Variants in MACF1 observed in about 807,000 individuals in gnomAD.
MACF1 encodes microtubule-actin cross-linking factor 1.
In MACF1, 193 loss-of-function variants were observed where a neutral mutation model predicts 854.8. The ratio of observed to expected loss-of-function variants is 0.23; its 90% CI spans 0.20 to 0.25. MACF1 has a LOEUF of 0.25. Among genes scored for constraint, MACF1 ranks in the 10% least tolerant of loss-of-function variants. MACF1 has a pLI of 1.00. For missense variants in MACF1, 7,722 were observed against 8,929.1 expected (o/e 0.86, Z 5.45); for synonymous variants, 3,185 against 3,226.7 (o/e 0.99, Z 0.44).
chr1:39,272,360 A>G (rs1645340390), intron 6 of MACF1, among the ~76,000 whole-genome samples: 1 of 152,206 alleles, frequency 6.6e-6, no homozygotes, highest in Non-Finnish European at 1.5e-5. Context: ...AGAGAGGGCA[A>G]CGCATACTGA....
At chr1:39,136,161 C>T (rs1643162386) in intron 2 of MACF1, among the ~76,000 whole-genome samples, 1 of 152,218 alleles carries the variant, frequency 6.6e-6, no homozygotes, top group South Asian at 2.1e-4. Context: ...CACCAGAATG[C>T]ATGCATTGGA....
intron 2 of MACF1, among the ~76,000 whole-genome samples, chr1:39,173,138 G>A (rs923682447): frequency 2.0e-5 from 3 of 152,136 alleles, no homozygotes; most frequent in East Asian, 1.9e-4. Flanking sequence ...TCAGGAGATC[G>A]AGAGCATCCT....
At chr1:39,216,922 AATG>A (rs1644583761) in intron 1 of MACF1, among the ~76,000 whole-genome samples, 1 of 152,092 alleles carries the variant, frequency 6.6e-6, no homozygotes, top group Admixed American at 6.6e-5. Flanking sequence ...TAGCTAAGAA[AATG>A]GGCTTGGCAT....
At chr1:39,237,914 T>TA (rs1192103222) in intron 2 of MACF1, among the ~76,000 whole-genome samples, 1 of 152,124 alleles carries the variant, frequency 6.6e-6, no homozygotes, top group Non-Finnish European at 1.5e-5. Context: ...TTTGAGATTT[T>TA]AAAAAAGTAT....
intron 2 of MACF1, among the ~76,000 whole-genome samples, chr1:39,240,591 C>T (rs1023173706): frequency 1.5e-4 from 23 of 152,258 alleles, no homozygotes; most frequent in African/African-American, 4.6e-4. Context: ...CTCCGCCACC[C>T]GGGTTCAAGC....
intron 58 of MACF1, among the ~76,000 whole-genome samples, chr1:39,399,578 C>T (rs548061957): frequency 1.3e-4 from 20 of 151,784 alleles, no homozygotes; most frequent in Non-Finnish European, 2.9e-4. Flanking sequence ...GGTTTCGCCA[C>T]GTTGGCCAGG....
At chr1:39,392,359 G>A (rs1642067965) in intron 58 of MACF1, among the ~76,000 whole-genome samples, 1 of 152,140 alleles carries the variant, frequency 6.6e-6, no homozygotes, top group Non-Finnish European at 1.5e-5. Flanking sequence ...CTGGGTTAAT[G>A]TATTATAGTC....
chr1:39,296,281 C>A (rs1209219796), intron 20 of MACF1, among the ~76,000 whole-genome samples: 1 of 151,734 alleles, frequency 6.6e-6, no homozygotes, highest in Non-Finnish European at 1.5e-5. Flanking sequence ...TTTTTTTCTG[C>A]TTGTGTCACA....
At chr1:39,200,723 A>T (rs1017502427), upstream of MACF1, among the ~76,000 whole-genome samples, 2 of 151,642 alleles carry the variant, frequency 1.3e-5, no homozygotes, top group African/African-American at 2.4e-5. Context: ...AAAGAAAAAA[A>T]TTCCAGGCCA....
chr1:39,390,874 G>A (rs371590854), intron 58 of MACF1, among the ~76,000 whole-genome samples: 2 of 152,126 alleles, frequency 1.3e-5, no homozygotes, highest in East Asian at 1.9e-4. Context: ...TTGGGAGGCC[G>A]AGGCGGGTGG....
chr1:39,175,817 G>T (rs1201067471), intron 2 of MACF1, among the ~76,000 whole-genome samples: 4 of 151,312 alleles, frequency 2.6e-5, no homozygotes, highest in African/African-American at 9.7e-5. Flanking sequence ...GCCGGGTGTG[G>T]CCAGGTGCAG....
chr1:39,205,265 A>C (rs957038868), intron 1 of MACF1, 134 bp downstream of exon 1: 12 of 642,402 alleles, frequency 1.9e-5, no homozygotes, highest in African/African-American at 1.6e-4. Context: ...GTCAGACTTA[A>C]GAGTGTGTGT....
chr1:39,213,779 C>G (rs1348402857), intron 1 of MACF1, among the ~76,000 whole-genome samples: 4 of 152,154 alleles, frequency 2.6e-5, no homozygotes, highest in Middle Eastern at 3.2e-3. Context: ...CCCTTCATCT[C>G]CAAGGCTAAA....
chr1:39,304,310 C>G lies in MACF1; in HGVS notation c.2789+1232C>G, dbSNP rs1646122172. 1.0e-5 allele frequency: 7 copies of G among 677,252 alleles called. 1 individual carries two copies. The highest frequency in any genetic ancestry group is 9.5e-5 in the South Asian group (7 of 73,734). The allele number at this position is 677,252 out of a possible 1,614,324, so 42.0% of individuals were successfully genotyped here. On this transcript the variant is annotated intron_variant, in intron 23 of 100. Transcript: ENST00000564288. ...TGACTTATTTCACTCTACGTGCTTTCCAAGAATGTCACCGTCTCTAAATAG... is the reference window on the plus strand; with the variant it reads ...TGACTTATTTCACTCTACGTGCTTTGCAAGAATGTCACCGTCTCTAAATAG...
rs773703483 is a variant in MACF1, at chr1:39,351,011, C to A, written c.11192C>A (p.Thr3731Asn). The A allele has an allele frequency of 5.0e-6, 8 of 1,612,710 alleles. No homozygotes were observed. In the South Asian group the frequency reaches 8.8e-5, roughly 18 times the overall value. Residue 3731 changes from threonine (T) to asparagine (N), a missense_variant, in exon 43 of 101, where the codon ACT becomes AAT. Physicochemically the swap from Thr to Asn is moderately conservative, Grantham distance 65. This residue lies in a region of MACF1 where 2,807 missense variants were observed against 3,235.8 expected (regional missense o/e 0.87). Transcript: ENST00000564288. ...GTGACCTCCGCCTTACAGCAGGAGA[C>A]TGAAAAGGTAATAGACTGCTATGAC... is the stretch of plus-strand genomic sequence containing the variant. ...EAVTSALQQE[T>N]EKSKAAKELA...
At chr1:39,215,575 T>C (rs921682956) in intron 1 of MACF1, 2 of 152,174 alleles carry the variant, frequency 1.3e-5, no homozygotes, top group Non-Finnish European at 2.9e-5. Context: ...TGCAGTGGAA[T>C]AGATTGGGGT....
intron 58 of MACF1, among the ~76,000 whole-genome samples, chr1:39,406,756 A>AAAAAAACAAAAAAAAAC (rs746955922): frequency 8.6e-6 from 1 of 116,058 alleles, no homozygotes; most frequent in Non-Finnish European, 1.7e-5. Flanking sequence ...AAAAAAAAAA[A>AAAAAAACAAAAAAAAAC]AACATTCTTT....
chr1:39,481,078 C>A, intron 99 of MACF1, 48 bp downstream of exon 99: 2 of 1,157,350 alleles, frequency 1.7e-6, no homozygotes, highest in Non-Finnish European at 2.5e-6. Flanking sequence ...ACGAGGCCCT[C>A]GCTACTGGAC....
intron 1 of MACF1, chr1:39,207,044 G>T (rs1644458257): frequency 1.3e-5 from 2 of 150,672 alleles, no homozygotes; most frequent in East Asian, 3.9e-4. Context: ...CATAGGTCTT[G>T]TGCCTAATAA....
Sources: gnomAD v4.1 joint callset for allele counts (sites outside exome capture counted in the v4.1 genomes callset) on GRCh38, gnomAD v4.1.1 for gene constraint, gnomAD v4.1.1 regional missense constraint, MANE v1.5 for transcripts, NCBI Gene and HGNC (gene_info 2026-07-23, HGNC 2026-07-21) for gene names.